The following HLCS variants were observed in gnomAD, a reference collection of about 807,000 sequenced individuals.
HLCS encodes the protein biotin--protein ligase.
A neutral mutation model predicts 75.0 loss-of-function variants in HLCS; 53 were observed. The observed-to-expected ratio is 0.71, with a 90% confidence interval of 0.57 to 0.89. The LOEUF is 0.89. Among genes scored for constraint, HLCS ranks in the 40% least tolerant of loss-of-function variants. The probability of loss-of-function intolerance (pLI) is 0.00; values close to 1 mark genes in which losing one functional copy is unlikely to be tolerated. For synonymous variants in HLCS, 431 were observed against 428.6 expected, an observed-to-expected ratio of 1.01 and a Z score of -0.07; for missense variants, 966 against 1,074.0, an observed-to-expected ratio of 0.90 and a Z score of 1.41.
intron 6 of HLCS, among the ~76,000 whole-genome samples, chr21:36,865,587 C>T (rs189707167): frequency 5.3e-5 from 8 of 152,194 alleles, no homozygotes; most frequent in African/African-American, 1.4e-4. Context: ...ACCCAGAGAA[C>T]CTCTTCAGTC....
rs55999516 is a variant in HLCS, at chr21:36,942,398, C to CAAAAAAAAAAAAAAAAAA, written c.331-3422_331-3405dup. The stretch of plus-strand genomic sequence containing the variant: ...TGGGCGACAGAGCAAGACTCCGTCT[C>CAAAAAAAAAAAAAAAAAA]AAAAAAAAAAAAAAAAAAAAAAAAA... On this transcript the variant is annotated intron_variant, in intron 2 of 10. Transcript: ENST00000674895. Among the ~76,000 whole-genome samples the CAAAAAAAAAAAAAAAAAA allele has an allele frequency of 1.9e-4, 15 of 80,972 alleles. 1 individual carries two copies. The highest frequency in any genetic ancestry group is 7.6e-4 in the African/African-American group (15 of 19,728). The allele number at this position is 80,972 out of a possible 152,430, so 53.1% of individuals were successfully genotyped here.
intron 6 of HLCS, among the ~76,000 whole-genome samples, chr21:36,769,104 C>T (rs778996742): frequency 2.0e-5 from 3 of 152,240 alleles, no homozygotes; most frequent in Non-Finnish European, 4.4e-5. Flanking sequence ...AAGGTTGGTT[C>T]AGAAACCAAA....
At chr21:36,827,914 C>T (rs2062064274) in intron 6 of HLCS, among the ~76,000 whole-genome samples, 1 of 151,206 alleles carries the variant, frequency 6.6e-6, no homozygotes, top group South Asian at 2.1e-4. Context: ...CCCGGGTTCA[C>T]ACCATTCTCC....
rs1487920959 is a variant in HLCS, at chr21:36,753,808, T to A, written c.*438A>T. ...TCTTACAGTTCAGTACCTCCCCAGA[T>A]GCTTACAAACAGTGATAGCATACCT... On this transcript the variant is annotated 3_prime_UTR_variant, in exon 11 of 11. Coordinates refer to ENST00000674895, the MANE Select transcript of HLCS (RefSeq NM_001352514.2). The surrounding 1 kb of genome is among the most constrained non-coding windows in gnomAD (Gnocchi z 4.3). The A allele has an allele frequency of 2.3e-5, 6 of 262,344 alleles. No homozygotes were observed. Among genetic ancestry groups the A allele is most frequent in the Admixed American group, 1.0e-4 (2 of 19,444 alleles). The allele number at this position is 262,344 out of a possible 1,614,324, so 16.3% of individuals were successfully genotyped here. A position where few individuals can be genotyped will look rare whatever the true frequency, so the allele number is the denominator to read the frequency against.
intron 6 of HLCS, among the ~76,000 whole-genome samples, chr21:36,880,102 C>A (rs1317410415): frequency 2.0e-5 from 3 of 152,210 alleles, no homozygotes; most frequent in East Asian, 1.9e-4. Flanking sequence ...GAAGTCAAAT[C>A]CCTCATTCGT....
chr21:36,829,779 C>T (rs1233667589), intron 6 of HLCS, among the ~76,000 whole-genome samples: 1 of 152,304 alleles, frequency 6.6e-6, no homozygotes, highest in Non-Finnish European at 1.5e-5. Flanking sequence ...TACTTAAGTT[C>T]CAGAGTGAAG....
Position 36,876,718 on chromosome 21 carries a change from A to T in HLCS, c.1892+20142T>A, listed in dbSNP as rs183158294. Among the ~76,000 whole-genome samples, 498 of 152,286 alleles carry T rather than the reference A, an allele frequency of 3.3e-3. 3 individuals are homozygous for T. Among genetic ancestry groups the T allele is most frequent in the African/African-American group, 0.012 (481 of 41,566 alleles). On this transcript the variant is annotated intron_variant, in intron 6 of 10. Coordinates refer to ENST00000674895, the MANE Select transcript of HLCS (RefSeq NM_001352514.2). The stretch of plus-strand genomic sequence containing the variant: ...TACCAAGCACACTTGAAACAAGGTG[A>T]GTTTGGCAAGGTATAGTGTTCTGGA...
At position 36,752,581 on chromosome 21, in the gene HLCS, T is replaced by G. The variant is rs2089409273; in HGVS notation, c.*1665A>C. 6.6e-6 allele frequency: 1 copy of G among 152,656 alleles called. No individual in the cohort carries two copies. Among genetic ancestry groups the G allele is most frequent in the Admixed American group, 6.5e-5 (1 of 15,286 alleles). 9.5% of individuals were successfully genotyped at this position (152,656 alleles called of 1,614,324 possible). ...GGATGGTGTGGACTTGTATTTTACT[T>G]AAGTTTCTAACTAATTTTGAAAGAA... On this transcript the variant is annotated 3_prime_UTR_variant, in exon 11 of 11. Coordinates refer to ENST00000674895, the MANE Select transcript of HLCS (RefSeq NM_001352514.2).
intron 1 of HLCS, 39 bp from the exon 2 acceptor site, chr21:36,962,209 C>A: frequency 8.0e-7 from 1 of 1,254,782 alleles, no homozygotes; most frequent in Non-Finnish European, 1.0e-6. Context: ...ATTGTCACTT[C>A]ATACCACAAC....
intron 5 of HLCS, among the ~76,000 whole-genome samples, chr21:36,905,008 C>T (rs2146368915): frequency 1.3e-5 from 2 of 152,306 alleles, no homozygotes; most frequent in Middle Eastern, 6.8e-3. Flanking sequence ...ATAGCTAAAA[C>T]GTCACTTCTA....
intron 6 of HLCS, among the ~76,000 whole-genome samples, chr21:36,888,442 AAAAATATATATATATATATATATATATAT>A (rs1416702364): frequency 2.5e-4 from 8 of 31,538 alleles, no homozygotes; most frequent in Middle Eastern, 0.012. Context: ...TAAAAAAAAA[AAAAATATATATATATATATATATATATAT>A]ATATATATAT....
intron 6 of HLCS, among the ~76,000 whole-genome samples, chr21:36,857,694 A>T (rs946252601): frequency 7.2e-5 from 11 of 152,120 alleles, no homozygotes; most frequent in Non-Finnish European, 1.3e-4. Context: ...GCTTCATCCA[A>T]GCTCCCCTCA....
chr21:36,836,661 T>C (rs1344778204), intron 6 of HLCS, among the ~76,000 whole-genome samples: 1 of 151,002 alleles, frequency 6.6e-6, no homozygotes, highest in African/African-American at 2.4e-5. Flanking sequence ...TCAAACAAAT[T>C]TACAAGAAAA....
intron 2 of HLCS, among the ~76,000 whole-genome samples, chr21:36,951,467 G>T (rs1386649586): frequency 3.3e-5 from 5 of 152,058 alleles, no homozygotes; most frequent in Non-Finnish European, 7.4e-5. Flanking sequence ...CTGACCTCAC[G>T]CATCTAAGTA....
chr21:36,927,379 C>T (rs895604566), intron 5 of HLCS, among the ~76,000 whole-genome samples: 2 of 152,224 alleles, frequency 1.3e-5, no homozygotes, highest in African/African-American at 4.8e-5. Flanking sequence ...GGCTGACCGT[C>T]GCTGAGGCGA....
intron 6 of HLCS, among the ~76,000 whole-genome samples, chr21:36,868,516 A>G (rs1028686987): frequency 1.6e-4 from 25 of 152,218 alleles, no homozygotes; most frequent in African/African-American, 2.9e-4. Flanking sequence ...CTGATAATCT[A>G]TAGAACGTAA....
intron 6 of HLCS, among the ~76,000 whole-genome samples, chr21:36,888,365 T>C (rs1330496696): frequency 1.4e-5 from 2 of 146,960 alleles, no homozygotes; most frequent in Non-Finnish European, 3.0e-5. Flanking sequence ...AACTCTGAAA[T>C]CGAAATACTA....
chr21:36,866,638 T>C (rs2063566758), intron 6 of HLCS, among the ~76,000 whole-genome samples: 1 of 152,230 alleles, frequency 6.6e-6, no homozygotes, highest in Non-Finnish European at 1.5e-5. Context: ...CCTTCGATCA[T>C]AAAGTCCTCA....
chr21:36,800,120 G>T (rs767753007), intron 6 of HLCS, among the ~76,000 whole-genome samples: 4 of 152,084 alleles, frequency 2.6e-5, no homozygotes. Context: ...ATCACTGTGA[G>T]CTCAAATGAC....
Sources: allele counts gnomAD v4.1 joint callset (sites outside exome capture counted in the v4.1 genomes callset), GRCh38; gene constraint gnomAD v4.1.1; non-coding constraint Gnocchi (gnomAD v3.1); transcripts MANE v1.5; gene names NCBI Gene and HGNC (gene_info 2026-07-23, HGNC 2026-07-21).